HNRNPLL: variants seen among roughly 807,000 people sequenced by gnomAD.
HNRNPLL encodes the protein heterogeneous nuclear ribonucleoprotein L-like.
HNRNPLL carries 25 observed loss-of-function variants against 67.1 expected under a neutral mutation model. That is an observed-to-expected ratio of 0.37 (90% CI 0.27 to 0.52). HNRNPLL has a LOEUF of 0.52. Among genes scored for constraint, HNRNPLL ranks in the 20% least tolerant of loss-of-function variants. The pLI is 0.90. For missense variants in HNRNPLL, 542 were observed against 673.9 expected, an observed-to-expected ratio of 0.80 and a Z score of 2.17; for synonymous variants, 267 against 241.7, an observed-to-expected ratio of 1.10 and a Z score of -0.97.
chr2:38,565,004 A>C (rs544702097), intron 12 of HNRNPLL, among the ~76,000 whole-genome samples: 3 of 151,228 alleles, frequency 2.0e-5, no homozygotes, highest in Non-Finnish European at 3.0e-5. Context: ...CTGAAAAAAA[A>C]AAAACAAACC....
rs1303830695 is a variant in HNRNPLL at position 38,582,130 on chromosome 2, G to A, written c.671C>T (p.Ala224Val). 1 of 1,613,942 alleles carries A rather than the reference G, an allele frequency of 6.2e-7. No individual in the cohort carries two copies. The highest frequency in any genetic ancestry group is 2.2e-5 in the East Asian group (1 of 44,858). ...SVLCAQKAKA[A>V]LNGADIYAGC... ...AGCATATATATCAGCTCCATTGAGTGCTGCTTTAGCTTTCTGGGCACAAAG... is the reference window on the plus strand; with the variant it reads ...AGCATATATATCAGCTCCATTGAGTACTGCTTTAGCTTTCTGGGCACAAAG... The change falls in exon 5 of 13, where the codon GCA becomes GTA. Residue 224 changes from alanine (A) to valine (V), a missense_variant. By Grantham distance (64) the Ala-to-Val change is moderately conservative. Coordinates refer to ENST00000449105, the MANE Select transcript of HNRNPLL (RefSeq NM_138394.4).
In HNRNPLL at chr2:38,573,355, G is replaced by A; in HGVS notation, c.947C>T (p.Ala316Val). ...GGAAGAAGCCTGTGGTAATGGATAA[G>A]CAACAAGTTCAGGTGTATCTCGAGA... The part of the protein sequence containing the change: ...MGSRDTPELV[A>V]YPLPQASSSY... Residue 316 changes from alanine to valine, a missense_variant, in exon 8 of 13, where the codon GCT becomes GTT. Coordinates refer to ENST00000449105, the MANE Select transcript of HNRNPLL (RefSeq NM_138394.4). 2 of 1,612,688 alleles carry A rather than the reference G, an allele frequency of 1.2e-6. No homozygotes were observed. The highest frequency in any genetic ancestry group is 1.7e-6 in the Non-Finnish European group (2 of 1,179,142).
chr2:38,597,360 T>C (rs1337963730), intron 1 of HNRNPLL, among the ~76,000 whole-genome samples: 1 of 152,236 alleles, frequency 6.6e-6, no homozygotes, highest in African/African-American at 2.4e-5. Flanking sequence ...GCTTTCTGGA[T>C]ACATTAAAAT....
At chr2:38,584,070 C>T (rs933608721) in intron 3 of HNRNPLL, 144 bp from the exon 4 acceptor site, 7 of 452,040 alleles carry the variant, frequency 1.5e-5, no homozygotes, top group Non-Finnish European at 2.8e-5. Context: ...AAAATTATTA[C>T]TTTTTTCTTG....
rs560583456 is a variant in HNRNPLL at position 38,591,951 on chromosome 2, G to A, written c.190-303C>T. On this transcript the variant is annotated intron_variant, in intron 1 of 12. Transcript: ENST00000449105. ...AGATCGCGCCACTGCACTCCAGCCT[G>A]GGCGACAGAGTGAGACTCCATCTCA... is the stretch of plus-strand genomic sequence containing the variant. Among the ~76,000 whole-genome samples the A allele has an allele frequency of 9.7e-4, 148 of 152,112 alleles. 1 individual carries two copies. Among genetic ancestry groups the A allele is most frequent in the African/African-American group, 3.5e-3 (144 of 41,474 alleles).
Position 38,602,510 on chromosome 2 carries a change from G to C in HNRNPLL, c.117C>G (p.Gly39=). 17 of 1,549,802 alleles carry C rather than the reference G, an allele frequency of 1.1e-5. No homozygotes were observed. The highest frequency in any genetic ancestry group is 1.4e-5 in the Non-Finnish European group (16 of 1,148,494). Residue 39 remains glycine, a synonymous_variant, in exon 1 of 13, where the codon GGC becomes GGG. Transcript: ENST00000449105. The part of the protein sequence containing the change: ...EGEIDYSAEE[G]ENRREATPRG... ...GGGGCGTCGCTTCCCGGCGGTTCTC[G>C]CCTTCCTCGGCCGAGTAGTCGATCT...
intron 1 of HNRNPLL, among the ~76,000 whole-genome samples, chr2:38,599,738 T>G (rs561720705): frequency 2.0e-5 from 3 of 152,214 alleles, no homozygotes; most frequent in Non-Finnish European, 4.4e-5. Context: ...CCACTATGTT[T>G]TTCTTAAATA....
intron 2 of HNRNPLL, among the ~76,000 whole-genome samples, chr2:38,591,198 A>C (rs915654246): frequency 6.6e-6 from 1 of 152,206 alleles, no homozygotes; most frequent in Non-Finnish European, 1.5e-5. Flanking sequence ...TGAAGCATGT[A>C]ATCAACTCAA....
At position 38,587,807 on chromosome 2, in the gene HNRNPLL, C is replaced by T. The variant is rs913883386; in HGVS notation, c.309-1926G>A. ...TCCAAACCTCGTATTGAATTGTGATCGCCGATGTAGGAAGTGGGGCCTAGT... is the reference window on the plus strand; with the variant it reads ...TCCAAACCTCGTATTGAATTGTGATTGCCGATGTAGGAAGTGGGGCCTAGT... On this transcript the variant is annotated intron_variant, in intron 2 of 12. Transcript: ENST00000449105. 3.3e-5 allele frequency among the ~76,000 whole-genome samples: 5 copies of T among 152,028 alleles called. No homozygotes were observed. In the South Asian group the frequency reaches 6.2e-4, roughly 19 times the overall value.
chr2:38,584,617 T>C (rs1243223181), intron 3 of HNRNPLL, among the ~76,000 whole-genome samples: 1 of 152,212 alleles, frequency 6.6e-6, no homozygotes, highest in Non-Finnish European at 1.5e-5. Context: ...ACTTGTGTTA[T>C]AGTAATAAAT....
chr2:38,568,575 A>G (rs1573720855), intron 10 of HNRNPLL, 132 bp from the exon 11 acceptor site: 5 of 613,306 alleles, frequency 8.2e-6, no homozygotes, highest in South Asian at 2.2e-5. Context: ...TATGTTTTCT[A>G]CATTAATATC....
chr2:38,592,480 T>G (rs771611848), intron 1 of HNRNPLL, among the ~76,000 whole-genome samples: 1 of 152,216 alleles, frequency 6.6e-6, no homozygotes, highest in African/African-American at 2.4e-5. Context: ...ATTAAACACA[T>G]GACAACTTAA....
chr2:38,564,336 TAAGA>T (rs1665767136), intron 12 of HNRNPLL, 99 bp from the exon 13 acceptor site: 6 of 699,084 alleles, frequency 8.6e-6, no homozygotes, highest in South Asian at 6.9e-5. Flanking sequence ...ATACTAAATA[TAAGA>T]AATATGGTGA....
intron 8 of HNRNPLL, among the ~76,000 whole-genome samples, chr2:38,570,840 G>C (rs1413081426): frequency 6.6e-6 from 1 of 151,536 alleles, no homozygotes; most frequent in Non-Finnish European, 1.5e-5. Flanking sequence ...CTAGGAGCTT[G>C]AGACCAGGCT....
chr2:38,577,567 T>G, intron 6 of HNRNPLL, 35 bp from the exon 7 acceptor site: 2 of 1,334,228 alleles, frequency 1.5e-6, no homozygotes, highest in Non-Finnish European at 2.2e-6. Context: ...TTTAACAATT[T>G]TGACCCAAGT....
chr2:38,587,524 A>G (rs773252241), intron 2 of HNRNPLL, among the ~76,000 whole-genome samples: 14 of 152,218 alleles, frequency 9.2e-5, no homozygotes, highest in Non-Finnish European at 1.9e-4. Flanking sequence ...TAAAAGTGCA[A>G]GATATAAATC....
At chr2:38,579,231 T>C (rs1333863731) in intron 6 of HNRNPLL, among the ~76,000 whole-genome samples, 1 of 152,076 alleles carries the variant, frequency 6.6e-6, no homozygotes, top group Non-Finnish European at 1.5e-5. Flanking sequence ...ACAATTTTCA[T>C]TCATAAATGA....
At chr2:38,591,392 T>A in intron 2 of HNRNPLL, 138 bp downstream of exon 2, 1 of 648,432 alleles carries the variant, frequency 1.5e-6, no homozygotes, top group African/African-American at 1.8e-5. Flanking sequence ...AGAAATACAG[T>A]CATAGGCAAA....
intron 6 of HNRNPLL, among the ~76,000 whole-genome samples, chr2:38,580,511 G>C (rs915468633): frequency 1.3e-5 from 2 of 152,080 alleles, no homozygotes; most frequent in Admixed American, 1.3e-4. Flanking sequence ...GCACTATAGA[G>C]TACCCACTCC....
Sources: allele counts gnomAD v4.1 joint callset (sites outside exome capture counted in the v4.1 genomes callset), GRCh38; gene constraint gnomAD v4.1.1; transcripts MANE v1.5; gene names NCBI Gene and HGNC (gene_info 2026-07-23, HGNC 2026-07-21).